LUZP2: variants seen among roughly 807,000 people sequenced by gnomAD.
The protein encoded by LUZP2 is leucine zipper protein 2.
In LUZP2, 52 loss-of-function variants were observed where a neutral mutation model predicts 51.6. The ratio of observed to expected loss-of-function variants is 1.01; its 90% CI spans 0.81 to 1.27. The LOEUF is 1.27. LUZP2 is among the 50% of genes most tolerant of loss of function. LUZP2 has a pLI of 0.00. For missense variants in LUZP2, 436 were observed against 395.4 expected (o/e 1.10, Z -0.87); for synonymous variants, 154 against 137.3 (o/e 1.12, Z -0.85).
At chr11:24,707,734 C>T (rs1168883009) in intron 1 of LUZP2, among the ~76,000 whole-genome samples, 1 of 152,144 alleles carries the variant, frequency 6.6e-6, no homozygotes, top group African/African-American at 2.4e-5. Context: ...TGATGATACT[C>T]ACCAACATTG....
chr11:24,833,712 G>GCGCACACACACACACACA (rs112834221), intron 5 of LUZP2, among the ~76,000 whole-genome samples: 1 of 147,132 alleles, frequency 6.8e-6, no homozygotes, highest in East Asian at 2.0e-4. Context: ...CCGCGCGCGC[G>GCGCACACACACACACACA]CACACACACA....
intron 1 of LUZP2, among the ~76,000 whole-genome samples, chr11:24,658,944 G>A (rs1855914446): frequency 6.6e-6 from 1 of 152,206 alleles, no homozygotes; most frequent in Non-Finnish European, 1.5e-5. Context: ...AGGATGTGGA[G>A]AAATAGGAAC....
rs188363268 is a variant in LUZP2, at chr11:25,024,386, A to G, written c.766-25652A>G. On this transcript the variant is annotated intron_variant, in intron 9 of 11. Coordinates refer to ENST00000336930, the MANE Select transcript of LUZP2 (RefSeq NM_001009909.4). Reference sequence around the variant, plus strand: ...CTGTTTGCAGATGACATGATTGTATATTTAGAAAACCCCATCGTCTCAGCC... The same window carrying G: ...CTGTTTGCAGATGACATGATTGTATGTTTAGAAAACCCCATCGTCTCAGCC... Among the ~76,000 whole-genome samples the G allele has an allele frequency of 1.7e-4, 26 of 151,524 alleles. No homozygotes were observed. The East Asian group carries it at 4.8e-3, about 28-fold the overall frequency.
At chr11:24,615,184 A>G (rs2133894164) in intron 1 of LUZP2, among the ~76,000 whole-genome samples, 1 of 152,094 alleles carries the variant, frequency 6.6e-6, no homozygotes, top group South Asian at 2.1e-4. Context: ...CAGTTTCTCT[A>G]ATAATGACAT....
chr11:24,993,590 T>G (rs1416906413), intron 9 of LUZP2, among the ~76,000 whole-genome samples: 39 of 152,186 alleles, frequency 2.6e-4, no homozygotes, highest in Non-Finnish European at 1.0e-4. Flanking sequence ...AATTCACCCT[T>G]TACCATTATG....
intron 5 of LUZP2, among the ~76,000 whole-genome samples, chr11:24,774,061 G>A (rs1256543598): frequency 6.6e-6 from 1 of 151,988 alleles, no homozygotes; most frequent in East Asian, 2.0e-4. Flanking sequence ...CAGCGGGCTG[G>A]GAAAGGCAGA....
intron 10 of LUZP2, among the ~76,000 whole-genome samples, chr11:25,071,101 G>A (rs981058409): frequency 7.4e-6 from 1 of 134,598 alleles, no homozygotes; most frequent in Non-Finnish European, 1.6e-5. Context: ...ATGCAATTTT[G>A]TAAATCATAA....
intron 1 of LUZP2, among the ~76,000 whole-genome samples, chr11:24,576,690 C>T (rs1590200723): frequency 6.6e-6 from 1 of 151,846 alleles, no homozygotes; most frequent in South Asian, 2.1e-4. Flanking sequence ...GTTGTCCAAA[C>T]AGACCAAGGA....
intron 10 of LUZP2, among the ~76,000 whole-genome samples, chr11:25,058,736 C>A (rs188614405): frequency 9.2e-5 from 14 of 152,316 alleles, no homozygotes; most frequent in African/African-American, 3.4e-4. Flanking sequence ...TCAGAACTTT[C>A]CTCCCTTCCC....
At chr11:24,815,898 A>G (rs1286161776) in intron 5 of LUZP2, among the ~76,000 whole-genome samples, 1 of 152,068 alleles carries the variant, frequency 6.6e-6, no homozygotes, top group East Asian at 1.9e-4. Flanking sequence ...TAATCACTGA[A>G]GGAAGTGCAA....
At chr11:25,044,038 A>ATATATCTGATATATATAGTC (rs1565273138) in intron 9 of LUZP2, among the ~76,000 whole-genome samples, 1 of 11,336 alleles carries the variant, frequency 8.8e-5, no homozygotes, top group East Asian at 1.1e-3. Flanking sequence ...TATAGAGTCT[A>ATATATCTGATATATATAGTC]TATATATATC....
chr11:24,826,190 A>AAAAAAAAAT (rs1215786412), intron 5 of LUZP2, among the ~76,000 whole-genome samples: 1 of 67,536 alleles, frequency 1.5e-5, no homozygotes, highest in East Asian at 5.6e-4. Context: ...AAAAAAAAAA[A>AAAAAAAAAT]ATATATATAT....
At chr11:24,525,578 T>C (rs1287399234) in intron 1 of LUZP2, among the ~76,000 whole-genome samples, 2 of 151,346 alleles carry the variant, frequency 1.3e-5, no homozygotes, top group South Asian at 2.1e-4. Flanking sequence ...TGCAGAGAAA[T>C]TGGAATTTAG....
In LUZP2 at chr11:24,790,178, A is replaced by C. The variant is rs371981966; in HGVS notation, c.396+26870A>C. The stretch of plus-strand genomic sequence containing the variant: ...ATCAGCACTCTAGCCTACATTGCAC[A>C]CAGCTACTGCCTTTTTTTGTGTTCC... On this transcript the variant is annotated intron_variant, in intron 5 of 11. Coordinates refer to ENST00000336930, the MANE Select transcript of LUZP2 (RefSeq NM_001009909.4). Among the ~76,000 whole-genome samples the C allele has an allele frequency of 1.8e-4, 27 of 152,320 alleles. No homozygotes were observed. In the East Asian group the frequency reaches 5.0e-3, roughly 28 times the overall value.
chr11:24,774,395 C>CACACATATATATAAAGAAT (rs1565131394), intron 5 of LUZP2, among the ~76,000 whole-genome samples: 76 of 102,996 alleles, frequency 7.4e-4, no homozygotes, highest in African/African-American at 2.7e-3. Flanking sequence ...TACACACACA[C>CACACATATATATAAAGAAT]ATATTTATAA....
At chr11:25,050,207 T>G in intron 10 of LUZP2, 77 bp downstream of exon 10, 5 of 677,916 alleles carry the variant, frequency 7.4e-6, no homozygotes, top group Non-Finnish European at 1.2e-5. Context: ...TTCTAATTCA[T>G]GCCACCATGA....
intron 7 of LUZP2, among the ~76,000 whole-genome samples, chr11:24,919,998 T>G (rs1247251758): frequency 6.6e-6 from 1 of 151,812 alleles, no homozygotes; most frequent in Non-Finnish European, 1.5e-5. Context: ...TGTGTTCCTT[T>G]AAGAGATTAT....
intron 5 of LUZP2, among the ~76,000 whole-genome samples, chr11:24,778,427 CA>C (rs1849002726): frequency 2.6e-5 from 4 of 151,388 alleles, no homozygotes; most frequent in Admixed American, 2.0e-4. Context: ...AATGAATAAA[CA>C]AACAAACAAA....
At chr11:24,999,273 G>T (rs10834571) in intron 9 of LUZP2, among the ~76,000 whole-genome samples, 59,046 of 151,574 alleles carry the variant, frequency 0.39, 13,759 homozygotes, top group East Asian at 0.68. Context: ...AATTTCCAGA[G>T]GTATAGTAAA....
Sources: gnomAD v4.1 joint callset for allele counts (sites outside exome capture counted in the v4.1 genomes callset) on GRCh38, gnomAD v4.1.1 for gene constraint, MANE v1.5 for transcripts, NCBI Gene and HGNC (gene_info 2026-07-23, HGNC 2026-07-21) for gene names.